Variants in IDI1 observed in about 807,000 individuals in gnomAD.
IDI1 encodes isopentenyl-diphosphate delta isomerase 1.
In IDI1, 23 loss-of-function variants were observed where a neutral mutation model predicts 32.9. That is an observed-to-expected ratio of 0.70 (90% CI 0.50 to 0.99). IDI1 has a LOEUF of 0.99. IDI1 is among the 50% of genes least tolerant of loss of function. IDI1 has a pLI of 0.00. For missense variants in IDI1, 326 were observed against 351.9 expected, an observed-to-expected ratio of 0.93 and a Z score of 0.59; for synonymous variants, 133 against 128.2, an observed-to-expected ratio of 1.04 and a Z score of -0.25.
chr10:1,048,799 C>A, intron 1 of IDI1, 65 bp downstream of exon 1: 2 of 1,565,602 alleles, frequency 1.3e-6, no homozygotes, highest in Non-Finnish European at 1.7e-6. Flanking sequence ...CTCCCCGCCC[C>A]GTCCCGCAGC....
chr10:1,045,866 GGT>G (rs10598743), intron 1 of IDI1, among the ~76,000 whole-genome samples: 46,639 of 150,852 alleles, frequency 0.31, 7,136 homozygotes, highest in East Asian at 0.36. Flanking sequence ...ATAGGGTCTG[GGT>G]GTGTGTGTGT....
chr10:1,042,960 A>T (rs1256734234), intron 3 of IDI1, among the ~76,000 whole-genome samples, 198 bp from the exon 4 acceptor site: 3 of 152,240 alleles, frequency 2.0e-5, no homozygotes, highest in Non-Finnish European at 4.4e-5. Context: ...TAAGGATTTT[A>T]AAATTGGTTA....
rs1832540176 is a variant in IDI1 at position 1,040,703 on chromosome 10, T to C, written c.*484A>G. 6.5e-6 allele frequency: 1 copy of C among 154,110 alleles called. No individual in the cohort carries two copies. The highest frequency in any genetic ancestry group is 6.4e-5 in the Admixed American group (1 of 15,598). The allele number at this position is 154,110 out of a possible 1,614,324, so 9.5% of individuals were successfully genotyped here. A position where few individuals can be genotyped will look rare whatever the true frequency, so the allele number is the denominator to read the frequency against. On this transcript the variant is annotated 3_prime_UTR_variant, in exon 5 of 5. Coordinates refer to ENST00000381344, the MANE Select transcript of IDI1 (RefSeq NM_004508.4). Reference sequence around the variant, plus strand: ...GCTCTGCTAGTTTAATCTGCTAATATGAAAGTTAATTAAGACTGTTTTGAA... The same window carrying C: ...GCTCTGCTAGTTTAATCTGCTAATACGAAAGTTAATTAAGACTGTTTTGAA...
At position 1,048,996 on chromosome 10, in the gene IDI1, C is replaced by A. The variant is rs771512563; in HGVS notation, c.8G>T (p.Arg3Leu). The A allele has an allele frequency of 2.7e-6, 4 of 1,498,646 alleles. No individual in the cohort carries two copies. The highest frequency in any genetic ancestry group is 3.5e-6 in the Non-Finnish European group (4 of 1,132,776). 92.8% of individuals were successfully genotyped at this position (1,498,646 alleles called of 1,614,324 possible). A position where few individuals can be genotyped will look rare whatever the true frequency, so the allele number is the denominator to read the frequency against. The change falls in exon 1 of 5, where the codon CGT becomes CTT. Residue 3 changes from arginine to leucine, a missense_variant. By Grantham distance (102) the Arg-to-Leu change is moderately radical. Coordinates refer to ENST00000381344, the MANE Select transcript of IDI1 (RefSeq NM_004508.4). Reference sequence around the variant, plus strand: ...AATCGCTCGCGCCAGCGCCAGTCCACGCCACATCGCCCGGCCAATTGGCGC... The same window carrying A: ...AATCGCTCGCGCCAGCGCCAGTCCAAGCCACATCGCCCGGCCAATTGGCGC... MW[R>L]GLALARAIGC...
At chr10:1,048,721 A>G (rs963299404) in intron 1 of IDI1, 143 bp downstream of exon 1, 59 of 1,428,284 alleles carry the variant, frequency 4.1e-5, no homozygotes, top group Non-Finnish European at 4.6e-5. Context: ...CGGGAGACCA[A>G]CGCCGCCACC....
chr10:1,054,303 T>C, the IDI1 span, among the ~76,000 whole-genome samples: 2 of 152,170 alleles, frequency 1.3e-5, no homozygotes, highest in Non-Finnish European at 2.9e-5. Flanking sequence ...ACATGACATA[T>C]ATACACACAT....
At chr10:1,045,656 G>A (rs1017715820) in intron 1 of IDI1, among the ~76,000 whole-genome samples, 5 of 152,164 alleles carry the variant, frequency 3.3e-5, no homozygotes, top group African/African-American at 9.7e-5. Flanking sequence ...TAGTAGAGAC[G>A]AAGTCTTGCC....
chr10:1,043,809 G>T lies in IDI1; in HGVS notation c.313+190C>A, dbSNP rs1173058673. On this transcript the variant is annotated intron_variant, in intron 2 of 4. Transcript: ENST00000381344. ...GAAGAAGCCGAGTAACAGGCATGAA[G>T]TGAAGAGAAATCGCTGTAACAGGAA... The T allele has an allele frequency of 1.3e-4, 87 of 672,414 alleles. No homozygotes were observed. The Admixed American group carries it at 1.9e-3, about 14-fold the overall frequency. The allele number at this position is 672,414 out of a possible 1,614,324, so 41.7% of individuals were successfully genotyped here.
In IDI1 at chr10:1,040,279, G is replaced by A. The variant is rs1026230119; in HGVS notation, c.*908C>T. ...CTCTGTAGGACAGTGGTCCTCAGTT[G>A]GGGGTTGACTCTGTCCCCTAGGGGC... On this transcript the variant is annotated 3_prime_UTR_variant, in exon 5 of 5. Coordinates refer to ENST00000381344, the MANE Select transcript of IDI1 (RefSeq NM_004508.4). 1.3e-5 allele frequency: 2 copies of A among 152,160 alleles called. No individual in the cohort carries two copies. The highest frequency in any genetic ancestry group is 4.8e-5 in the African/African-American group (2 of 41,428). 9.4% of individuals were successfully genotyped at this position (152,160 alleles called of 1,614,324 possible). A position where few individuals can be genotyped will look rare whatever the true frequency, so the allele number is the denominator to read the frequency against.
chr10:1,040,264 C>T lies in IDI1; in HGVS notation c.*923G>A, dbSNP rs569754855. On this transcript the variant is annotated 3_prime_UTR_variant, in exon 5 of 5. Coordinates refer to ENST00000381344, the MANE Select transcript of IDI1 (RefSeq NM_004508.4). ...TACAATATTTCCTGACTCTGTAGGA[C>T]AGTGGTCCTCAGTTGGGGGTTGACT... 5.9e-5 allele frequency: 9 copies of T among 152,252 alleles called. No individual in the cohort carries two copies. In the East Asian group the frequency reaches 1.7e-3, roughly 29 times the overall value. 9.4% of individuals were successfully genotyped at this position (152,252 alleles called of 1,614,324 possible).
chr10:1,053,398 C>T (rs1361231130), upstream of IDI1, among the ~76,000 whole-genome samples: 3 of 152,232 alleles, frequency 2.0e-5, no homozygotes, highest in African/African-American at 7.2e-5. Flanking sequence ...GCTTCCTTAC[C>T]TCTCTCAGCC....
rs1832588362 is a variant in IDI1, at chr10:1,041,584, CA to C, written c.538-81del. Reference sequence around the variant, plus strand: ...AATCTAAAATTAGCTCACTGTATTACAGCGATATCTCGAACAGCAGTATAGT... The same window carrying C: ...AATCTAAAATTAGCTCACTGTATTACGCGATATCTCGAACAGCAGTATAGT... On this transcript the variant is annotated intron_variant, in intron 4 of 4. Coordinates refer to ENST00000381344, the MANE Select transcript of IDI1 (RefSeq NM_004508.4). The C allele has an allele frequency of 4.2e-6, 3 of 709,534 alleles. No individual in the cohort carries two copies. In the South Asian group the frequency reaches 6.2e-5, roughly 15 times the overall value. 44.0% of individuals were successfully genotyped at this position (709,534 alleles called of 1,614,324 possible).
chr10:1,042,495 G>A (rs1832635090), intron 4 of IDI1, 137 bp downstream of exon 4: 1 of 786,570 alleles, frequency 1.3e-6, no homozygotes, highest in African/African-American at 1.7e-5. Flanking sequence ...CTTTATTCAA[G>A]ATGGTTTGTG....
rs1444736113 is a variant in IDI1 at position 1,040,184 on chromosome 10, AATCTC to A, written c.*998_*1002del. 6.6e-6 allele frequency: 1 copy of A among 152,212 alleles called. No homozygotes were observed. Among genetic ancestry groups the A allele is most frequent in the Non-Finnish European group, 1.5e-5 (1 of 68,046 alleles). 9.4% of individuals were successfully genotyped at this position (152,212 alleles called of 1,614,324 possible). A position where few individuals can be genotyped will look rare whatever the true frequency, so the allele number is the denominator to read the frequency against. On this transcript the variant is annotated 3_prime_UTR_variant, in exon 5 of 5. Transcript: ENST00000381344. Reference sequence around the variant, plus strand: ...TTTAACATTAATATACACATTCCATAATCTCATCTATTTAACATTAACACAGGCCT... The same window carrying A: ...TTTAACATTAATATACACATTCCATAATCTATTTAACATTAACACAGGCCT...
chr10:1,048,151 G>A (rs1346219816), intron 1 of IDI1: 18 of 1,011,890 alleles, frequency 1.8e-5, no homozygotes, highest in Admixed American at 2.4e-5. Context: ...GTGCACCACC[G>A]CCCAGCTGTA....
At chr10:1,055,479 T>C in the IDI1 span, among the ~76,000 whole-genome samples, 1 of 152,206 alleles carries the variant, frequency 6.6e-6, no homozygotes, top group Non-Finnish European at 1.5e-5. Context: ...GAATGCGGGT[T>C]AATTAGATGG....
chr10:1,044,138 C>T lies in IDI1; in HGVS notation c.174G>A (p.Met58Ile). 2 of 1,613,670 alleles carry T rather than the reference C, an allele frequency of 1.2e-6. No homozygotes were observed. The highest frequency in any genetic ancestry group is 1.7e-6 in the Non-Finnish European group (2 of 1,179,656). ...VLEQIRHFVM[M>I]PEINTNHLDK... Reference sequence around the variant, plus strand: ...CGAGGTGGTTAGTGTTTATTTCAGGCATCATTACAAAATGTCTGATCTGTT... The same window carrying T: ...CGAGGTGGTTAGTGTTTATTTCAGGTATCATTACAAAATGTCTGATCTGTT... The change falls in exon 2 of 5, where the codon ATG becomes ATA. Residue 58 changes from methionine to isoleucine, a missense_variant. Coordinates refer to ENST00000381344, the MANE Select transcript of IDI1 (RefSeq NM_004508.4).
chr10:1,049,197 G>T (rs975861671), upstream of IDI1: 30 of 948,130 alleles, frequency 3.2e-5, no homozygotes, highest in African/African-American at 3.9e-4. Context: ...AGCGTCCCGC[G>T]ACTGGGCGGT....
upstream of IDI1, among the ~76,000 whole-genome samples, chr10:1,052,554 G>A (rs2131590631): frequency 6.6e-6 from 1 of 152,326 alleles, no homozygotes; most frequent in African/African-American, 2.4e-5. Flanking sequence ...TGGGTGAACA[G>A]GAGCACTGTA....
Sources: allele counts gnomAD v4.1 joint callset (sites outside exome capture counted in the v4.1 genomes callset), GRCh38; gene constraint gnomAD v4.1.1; transcripts MANE v1.5; gene names NCBI Gene and HGNC (gene_info 2026-07-23, HGNC 2026-07-21).